Variants in ANP32A observed in about 807,000 individuals in gnomAD.
ANP32A encodes the protein acidic leucine-rich nuclear phosphoprotein 32 family member A.
In ANP32A, 1 loss-of-function variant was observed where a neutral mutation model predicts 33.9. The ratio of observed to expected loss-of-function variants is 0.03; its 90% confidence interval spans 0.01 to 0.14. The LOEUF (loss-of-function observed/expected upper bound fraction) is 0.14, where lower values mean the gene tolerates loss of function less well. Ranked by LOEUF, ANP32A falls within the 10% of genes least tolerant of loss-of-function variation. The pLI is 1.00. For missense variants in ANP32A, 155 were observed against 306.0 expected (o/e 0.51, Z 3.68); for synonymous variants, 115 against 120.5 (o/e 0.95, Z 0.30).
At chr15:68,801,825 CAG>C (rs1453817710) in intron 1 of ANP32A, 2 of 146,048 alleles carry the variant, frequency 1.4e-5, no homozygotes, top group African/African-American at 2.6e-5. Flanking sequence ...TGAGTCACAC[CAG>C]AGGTGTGTGC....
In ANP32A at chr15:68,820,632, G is replaced by GCACACA. The variant is rs35802209; in HGVS notation, c.54+60_54+65dup. 1,062 of 943,846 alleles carry GCACACA rather than the reference G, an allele frequency of 1.1e-3. 1 individual carries two copies. The highest frequency in any genetic ancestry group is 1.3e-3 in the African/African-American group (73 of 54,714). The allele number at this position is 943,846 out of a possible 1,614,324, so 58.5% of individuals were successfully genotyped here. On this transcript the variant is annotated intron_variant, in intron 1 of 6. Coordinates refer to ENST00000465139, the MANE Select transcript of ANP32A (RefSeq NM_006305.4). ...CAAAAAAAGTGCCTCCCCCCAGCGC[G>GCACACA]CACACACACACACACACACAAAGTA... is the stretch of plus-strand genomic sequence containing the variant.
intron 4 of ANP32A, among the ~76,000 whole-genome samples, chr15:68,783,746 G>A (rs1207562767): frequency 6.6e-6 from 1 of 151,744 alleles, no homozygotes; most frequent in African/African-American, 2.4e-5. Flanking sequence ...CTTCCTGTAG[G>A]CCTCGACTAC....
At chr15:68,788,460 C>T (rs1333945517) in intron 1 of ANP32A, among the ~76,000 whole-genome samples, 4 of 152,142 alleles carry the variant, frequency 2.6e-5, no homozygotes, top group Admixed American at 1.3e-4. Flanking sequence ...CTGAGGCAGG[C>T]GCAGCAGACC....
intron 3 of ANP32A, chr15:68,787,198 CA>C (rs2140360870): frequency 5.0e-6 from 3 of 606,056 alleles, no homozygotes; most frequent in Non-Finnish European, 8.5e-6. Flanking sequence ...AATAGCTGCC[CA>C]TTCTGTCTGT....
chr15:68,807,427 C>G (rs111799432), intron 1 of ANP32A, among the ~76,000 whole-genome samples: 15 of 115,512 alleles, frequency 1.3e-4, no homozygotes, highest in Non-Finnish European at 2.4e-4. Context: ...CCACAGAAAA[C>G]GGGGGGGGGG....
intron 1 of ANP32A, among the ~76,000 whole-genome samples, chr15:68,811,883 C>A (rs1232671981): frequency 1.4e-5 from 2 of 145,270 alleles, no homozygotes; most frequent in Non-Finnish European, 3.0e-5. Context: ...ATTACAGGCA[C>A]CTGCCACGAC....
intron 1 of ANP32A, among the ~76,000 whole-genome samples, chr15:68,806,591 T>G (rs988399445): frequency 3.9e-5 from 6 of 152,224 alleles, no homozygotes; most frequent in African/African-American, 1.4e-4. Flanking sequence ...CAGAAAGGCA[T>G]GTCTGCAACA....
intron 1 of ANP32A, among the ~76,000 whole-genome samples, chr15:68,800,426 T>C (rs1484630818): frequency 6.9e-6 from 1 of 145,920 alleles, no homozygotes; most frequent in East Asian, 2.0e-4. Flanking sequence ...ATAATGTGTA[T>C]GAATGCTGCA....
chr15:68,807,054 T>C (rs1894240009), intron 1 of ANP32A, among the ~76,000 whole-genome samples: 1 of 152,246 alleles, frequency 6.6e-6, no homozygotes, highest in African/African-American at 2.4e-5. Flanking sequence ...AAGCCACAGA[T>C]GCACACCTAA....
rs1893951092 is a variant in ANP32A, at chr15:68,787,740, C to T, written c.204+30G>A. 3 of 1,611,432 alleles carry T rather than the reference C, an allele frequency of 1.9e-6. No individual in the cohort carries two copies. In the African/African-American group the frequency reaches 4.0e-5, roughly 22 times the overall value. ...CCCTTCCCACTCCCCACCCCCGCCT[C>T]CCAGCACACACAGACTCCACTCTAT... On this transcript the variant is annotated intron_variant, in intron 2 of 6. Transcript: ENST00000465139.
intron 4 of ANP32A, 167 bp downstream of exon 4, chr15:68,784,230 C>G: frequency 1.4e-6 from 1 of 713,400 alleles, no homozygotes; most frequent in Non-Finnish European, 2.3e-6. Context: ...GACAGCCCTA[C>G]TCCCCTCCAT....
Position 68,820,719 on chromosome 15 carries a change from C to T in ANP32A, c.33G>A (p.Leu11=). Residue 11 remains leucine, a synonymous_variant, in exon 1 of 7, where the codon CTG becomes CTA. Transcript: ENST00000465139. MEMGRRIHLE[L]RNRTPSDVKE... ...TCACATCAGAGGGCGTCCTGTTCCG[C>T]AGCTCTAAATGAATCCGTCTGCCCA... 1.2e-6 allele frequency: 2 copies of T among 1,613,808 alleles called. No individual in the cohort carries two copies. Among genetic ancestry groups the T allele is most frequent in the Non-Finnish European group, 1.7e-6 (2 of 1,179,886 alleles).
In ANP32A at chr15:68,820,857, C is replaced by T. The variant is rs552302215; in HGVS notation, c.-106G>A. On this transcript the variant is annotated 5_prime_UTR_variant, in exon 1 of 7. Transcript: ENST00000465139. ...AGGACTTTGAAGGCTCAACCAGCTC[C>T]GCTCGGTTCTCGAGCCCCCAGCACC... 4 of 1,380,224 alleles carry T rather than the reference C, an allele frequency of 2.9e-6. No homozygotes were observed. In the South Asian group the frequency reaches 3.6e-5, roughly 12 times the overall value. The allele number at this position is 1,380,224 out of a possible 1,614,324, so 85.5% of individuals were successfully genotyped here.
intron 1 of ANP32A, among the ~76,000 whole-genome samples, chr15:68,814,388 C>T (rs867921108): frequency 1.3e-5 from 2 of 151,484 alleles, no homozygotes; most frequent in South Asian, 2.1e-4. Context: ...GGCAAAACCC[C>T]GTCTCTACAA....
At chr15:68,805,868 C>T (rs976908361) in intron 1 of ANP32A, among the ~76,000 whole-genome samples, 9 of 152,196 alleles carry the variant, frequency 5.9e-5, no homozygotes, top group African/African-American at 2.2e-4. Context: ...TTACTACTGA[C>T]TGTCTCCCCC....
At chr15:68,787,565 A>G in intron 2 of ANP32A, 30 bp from the exon 3 acceptor site, 1 of 1,613,876 alleles carries the variant, frequency 6.2e-7, no homozygotes, top group Non-Finnish European at 8.5e-7. Flanking sequence ...AAAAAGCAGA[A>G]ACAGCTTTTA....
rs371253887 is a variant in ANP32A, at chr15:68,798,047, A to G, written c.55-10128T>C. On this transcript the variant is annotated intron_variant, in intron 1 of 6. Transcript: ENST00000465139. ...ACTAAAACCACTCTTAGAAAAATCA[A>G]CTGTCCCAGCTGACAGATACGGTTA... Among the ~76,000 whole-genome samples the G allele has an allele frequency of 3.1e-4, 47 of 152,288 alleles. No individual in the cohort carries two copies. The South Asian group carries it at 9.1e-3, about 30-fold the overall frequency.
At chr15:68,781,956 T>C (rs886154007) in intron 5 of ANP32A, among the ~76,000 whole-genome samples, 3 of 152,160 alleles carry the variant, frequency 2.0e-5, no homozygotes, top group Non-Finnish European at 2.9e-5. Flanking sequence ...GCCGGCTGGC[T>C]GGAACTGGAA....
rs1232487634 is a variant in ANP32A, at chr15:68,820,757, G to T, written c.-6C>A. 6.2e-7 allele frequency: 1 copy of T among 1,613,986 alleles called. No individual in the cohort carries two copies. Among genetic ancestry groups the T allele is most frequent in the Admixed American group, 1.7e-5 (1 of 60,010 alleles). ...ATCCGTCTGCCCATCTCCATCTCTC[G>T]CGCTCTCTCTCTGCAGAGGCTCCCG... On this transcript the variant is annotated 5_prime_UTR_variant, in exon 1 of 7. Coordinates refer to ENST00000465139, the MANE Select transcript of ANP32A (RefSeq NM_006305.4).
Sources: allele counts gnomAD v4.1 joint callset (sites outside exome capture counted in the v4.1 genomes callset), GRCh38; gene constraint gnomAD v4.1.1; transcripts MANE v1.5; gene names NCBI Gene and HGNC (gene_info 2026-07-23, HGNC 2026-07-21).